ASB11: variants seen among roughly 807,000 people sequenced by gnomAD.
The protein encoded by ASB11 is ankyrin repeat and SOCS box protein 11.
Under a neutral mutation model 20.1 loss-of-function variants are expected in ASB11, and 17 were observed. The ratio of observed to expected loss-of-function variants is 0.85; its 90% confidence interval spans 0.58 to 1.27. ASB11 has a LOEUF of 1.27. Ranked by LOEUF, ASB11 falls within the 50% of genes most tolerant of loss-of-function variation. The pLI is 0.00. For missense variants in ASB11, 259 were observed against 256.9 expected (o/e 1.01, Z -0.06); for synonymous variants, 107 against 105.6 (o/e 1.01, Z -0.08).
chrX:15,288,399 A>G (rs1236274086), intron 5 of ASB11, among the ~76,000 whole-genome samples: 1 of 112,075 alleles, frequency 8.9e-6, no homozygotes, highest in African/African-American at 3.2e-5. Flanking sequence ...AAGTTTATTT[A>G]GTATTTATAT....
intron 1 of ASB11, among the ~76,000 whole-genome samples, chrX:15,314,119 G>A (rs918509938): frequency 4.7e-5 from 5 of 107,444 alleles, no homozygotes; most frequent in African/African-American, 1.4e-4. Flanking sequence ...GAAATAATGC[G>A]CAGGTGCAAC....
At chrX:15,294,545 A>C (rs1258558757) in intron 3 of ASB11, among the ~76,000 whole-genome samples, 1 of 110,590 alleles carries the variant, frequency 9.0e-6, no homozygotes. Flanking sequence ...AAATTTAGAA[A>C]AATTATTTGT....
chrX:15,315,418 C>A lies in ASB11; in HGVS notation c.181+7G>T. ...TAAATATTAGGAACAAATTCATGTACTTTTACCTGAAATTCCACCATAGAT... is the reference window on the plus strand; with the variant it reads ...TAAATATTAGGAACAAATTCATGTAATTTTACCTGAAATTCCACCATAGAT... On this transcript the variant is annotated splice_region_variant and intron_variant, in intron 1 of 6. Transcript: ENST00000480796. 1 of 1,075,882 alleles carries A rather than the reference C, an allele frequency of 9.3e-7. No homozygotes were observed. The highest frequency in any genetic ancestry group is 3.3e-5 in the East Asian group (1 of 30,174). 88.7% of individuals were successfully genotyped at this position (1,075,882 alleles called of 1,213,427 possible). A position where few individuals can be genotyped will look rare whatever the true frequency, so the allele number is the denominator to read the frequency against.
chrX:15,299,913 G>A (rs1471079352), intron 2 of ASB11, among the ~76,000 whole-genome samples: 1 of 110,940 alleles, frequency 9.0e-6, no homozygotes, highest in Non-Finnish European at 1.9e-5. Flanking sequence ...CAGATCTCTG[G>A]CTGCATCCTT....
chrX:15,304,936 G>T (rs12010915), intron 1 of ASB11, among the ~76,000 whole-genome samples: 1,201 of 111,502 alleles, frequency 0.011, 13 homozygotes, highest in African/African-American at 0.038. Flanking sequence ...AACAATAAGA[G>T]ATTATATCTT....
At chrX:15,312,484 C>A (rs764613447) in intron 1 of ASB11, among the ~76,000 whole-genome samples, 2 of 75,471 alleles carry the variant, frequency 2.7e-5, no homozygotes, top group South Asian at 1.8e-3. Context: ...TTTAATGAGG[C>A]ATGTGGTGTT....
intron 4 of ASB11, among the ~76,000 whole-genome samples, chrX:15,291,536 T>A (rs1927530052): frequency 9.2e-6 from 1 of 108,928 alleles, no homozygotes; most frequent in African/African-American, 3.4e-5. Context: ...TGAAACCCTG[T>A]CTTTACTAAA....
chrX:15,295,577 G>A (rs1485485706), intron 3 of ASB11, among the ~76,000 whole-genome samples: 1 of 111,577 alleles, frequency 9.0e-6, no homozygotes, highest in Non-Finnish European at 1.9e-5. Flanking sequence ...GCAGGTCCCA[G>A]AGGGAAGAAC....
chrX:15,291,595 T>C (rs1927531871), intron 4 of ASB11, among the ~76,000 whole-genome samples: 1 of 108,732 alleles, frequency 9.2e-6, no homozygotes, highest in South Asian at 4.0e-4. Context: ...TAATCTCAGC[T>C]ACGTGGGAGG....
intron 2 of ASB11, 22 bp from the exon 3 acceptor site, chrX:15,297,703 GTTTA>G (rs1479412277): frequency 4.2e-6 from 5 of 1,187,849 alleles, no homozygotes; most frequent in Non-Finnish European, 5.7e-6. Context: ...AAAGAAGAGA[GTTTA>G]TTTATTTTTT....
At chrX:15,303,958 G>A (rs765866935) in intron 1 of ASB11, among the ~76,000 whole-genome samples, 1 of 112,828 alleles carries the variant, frequency 8.9e-6, no homozygotes, top group South Asian at 3.6e-4. Context: ...CATTTGAGAA[G>A]TAACCCCCCA....
intron 1 of ASB11, among the ~76,000 whole-genome samples, chrX:15,308,464 C>T (rs1256983473): frequency 8.9e-6 from 1 of 111,826 alleles, no homozygotes; most frequent in African/African-American, 3.3e-5. Context: ...GGGGGTTCAG[C>T]AAGTTGTCTC....
At chrX:15,307,576 C>T (rs929288751) in intron 1 of ASB11, among the ~76,000 whole-genome samples, 6 of 112,275 alleles carry the variant, frequency 5.3e-5, no homozygotes, top group East Asian at 2.8e-4. Context: ...CCTCACCTGC[C>T]GCTCACCTCC....
intron 1 of ASB11, among the ~76,000 whole-genome samples, chrX:15,306,947 G>A (rs188394690): frequency 3.9e-4 from 44 of 111,466 alleles, no homozygotes; most frequent in African/African-American, 1.3e-3. Flanking sequence ...CTGCCAGCTC[G>A]GCACCCTGAC....
At chrX:15,308,982 T>C (rs1921332776) in intron 1 of ASB11, among the ~76,000 whole-genome samples, 1 of 111,422 alleles carries the variant, frequency 9.0e-6, no homozygotes, top group African/African-American at 3.3e-5. Context: ...AGTGGTGCAA[T>C]CTCAGCTTAC....
At chrX:15,289,098 C>T (rs1232610915) in intron 5 of ASB11, among the ~76,000 whole-genome samples, 1 of 112,096 alleles carries the variant, frequency 8.9e-6, no homozygotes, top group Non-Finnish European at 1.9e-5. Context: ...TCTCGTGTTT[C>T]CAGTGAAGCC....
intron 1 of ASB11, among the ~76,000 whole-genome samples, chrX:15,305,597 TTAGATAGATAGA>T (rs74919898): frequency 4.4e-4 from 43 of 98,538 alleles, no homozygotes; most frequent in South Asian, 1.0e-3. Context: ...AAAAAAAAGA[TTAGATAGATAGA>T]TAGATAGATA....
rs1016955187 is a variant in ASB11, at chrX:15,315,450, T to G, written c.156A>C (p.Ala52=). ...CTGAAATTCCACCATAGATCTCTTC[T>G]GCTATCCTAGCCGCTTCTTTTCTAT... ...KGNRKEAARI[A]EEIYGGISDC... is the part of the protein sequence containing the mutation. The change falls in exon 1 of 7, where the codon GCA becomes GCC. Residue 52 remains alanine (A), a synonymous_variant. Transcript: ENST00000480796. 8 of 1,140,001 alleles carry G rather than the reference T, an allele frequency of 7.0e-6. No homozygotes were observed. Among genetic ancestry groups the G allele is most frequent in the Non-Finnish European group, 8.1e-6 (7 of 864,316 alleles). 93.9% of individuals were successfully genotyped at this position (1,140,001 alleles called of 1,213,427 possible).
chrX:15,299,617 A>G (rs1204773458), intron 2 of ASB11, among the ~76,000 whole-genome samples: 1 of 111,509 alleles, frequency 9.0e-6, no homozygotes, highest in East Asian at 2.8e-4. Context: ...GGAGGAGGGT[A>G]TAATGAGGCA....
Sources: gnomAD v4.1 joint callset for allele counts (sites outside exome capture counted in the v4.1 genomes callset) on GRCh38, gnomAD v4.1.1 for gene constraint, MANE v1.5 for transcripts, NCBI Gene and HGNC (gene_info 2026-07-23, HGNC 2026-07-21) for gene names.